KCNMA1: variants seen among roughly 807,000 people sequenced by gnomAD.
KCNMA1 encodes potassium calcium-activated channel subfamily M alpha 1, also known as Calcium-activated potassium channel subunit alpha-1.
KCNMA1 carries 29 observed loss-of-function variants against 140.0 expected under a neutral mutation model. The ratio of observed to expected loss-of-function variants is 0.21; its 90% CI spans 0.15 to 0.28. KCNMA1 has a LOEUF of 0.28. KCNMA1 is among the 10% of genes least tolerant of loss of function. The pLI, the probability that KCNMA1 is intolerant of heterozygous loss-of-function variation, is 1.00. For synonymous variants in KCNMA1, 612 were observed against 611.9 expected (o/e 1.00, Z 0.00); for missense variants, 880 against 1,602.2 (o/e 0.55, Z 7.70).
intron 20 of KCNMA1, among the ~76,000 whole-genome samples, chr10:76,956,736 G>A (rs1462095872): frequency 2.0e-5 from 3 of 152,166 alleles, no homozygotes; most frequent in Admixed American, 2.0e-4. Flanking sequence ...TGTGGCAAGT[G>A]TTACAGCAAA....
intron 3 of KCNMA1, among the ~76,000 whole-genome samples, chr10:77,231,244 T>C (rs1273505593): frequency 6.6e-6 from 1 of 152,230 alleles, no homozygotes; most frequent in Non-Finnish European, 1.5e-5. Context: ...GATTCTTTCC[T>C]ACTTGCTCTA....
intron 5 of KCNMA1, among the ~76,000 whole-genome samples, chr10:77,176,138 T>C (rs944156908): frequency 6.6e-6 from 1 of 152,140 alleles, no homozygotes; most frequent in Non-Finnish European, 1.5e-5. Context: ...AGAGAGATGC[T>C]TGAGACTTCA....
intron 2 of KCNMA1, among the ~76,000 whole-genome samples, chr10:77,299,673 A>T (rs2076096527): frequency 1.3e-5 from 2 of 152,184 alleles, no homozygotes; most frequent in Admixed American, 6.5e-5. Flanking sequence ...AAAAACAAAG[A>T]GGGGGAAAGC....
At chr10:76,931,594 T>G (rs925142905) in intron 23 of KCNMA1, among the ~76,000 whole-genome samples, 5 of 151,714 alleles carry the variant, frequency 3.3e-5, no homozygotes, top group Admixed American at 3.3e-4. Context: ...GGTCCTGCTC[T>G]GGAAGGGTGT....
chr10:77,616,414 T>C (rs558964358), intron 1 of KCNMA1, among the ~76,000 whole-genome samples: 15 of 152,338 alleles, frequency 9.8e-5, no homozygotes, highest in African/African-American at 3.6e-4. Context: ...TAGCCCTTGG[T>C]TTGTAGCAAG....
At chr10:77,257,893 T>C (rs1283707685) in intron 2 of KCNMA1, among the ~76,000 whole-genome samples, 2 of 152,244 alleles carry the variant, frequency 1.3e-5, no homozygotes, top group Non-Finnish European at 2.9e-5. Flanking sequence ...TGTGAGTCCA[T>C]TAAACCTCTT....
chr10:77,024,982 A>C (rs2093263699), intron 16 of KCNMA1, among the ~76,000 whole-genome samples: 1 of 151,948 alleles, frequency 6.6e-6, no homozygotes, highest in Non-Finnish European at 1.5e-5. Context: ...ACAAAATGGC[A>C]CTAGAGTGCA....
intron 7 of KCNMA1, among the ~76,000 whole-genome samples, chr10:77,112,005 T>G (rs1450090377): frequency 6.6e-6 from 1 of 152,210 alleles, no homozygotes; most frequent in East Asian, 1.9e-4. Context: ...CTAGGAGGTG[T>G]GGGTCCAACT....
rs1450988581 is a variant in KCNMA1 at position 77,573,608 on chromosome 10, A to AAATAGAATGGAATGG, written c.378+63656_378+63657insCCATTCCATTCTATT. Among the ~76,000 whole-genome samples the AAATAGAATGGAATGG allele has an allele frequency of 1.3e-3, 77 of 58,190 alleles. 7 individuals carry two copies. The highest frequency in any genetic ancestry group is 2.5e-3 in the African/African-American group (50 of 20,362). The allele number at this position is 58,190 out of a possible 152,430, so 38.2% of individuals were successfully genotyped here. ...GGTTATAAGCAATTATTTTTTAAGA[A>AAATAGAATGGAATGG]AATGGAATGGAATGGAATGGAATGG... On this transcript the variant is annotated intron_variant, in intron 1 of 27. Coordinates refer to ENST00000286628, the MANE Select transcript of KCNMA1 (RefSeq NM_001161352.2).
Position 77,007,657 on chromosome 10 carries a change from A to G in KCNMA1, c.2092+4310T>C, listed in dbSNP as rs900980468. Among the ~76,000 whole-genome samples the G allele has an allele frequency of 2.7e-3, 157 of 57,664 alleles. 2 individuals carry two copies. Among genetic ancestry groups the G allele is most frequent in the African/African-American group, 4.1e-3 (70 of 17,256 alleles). The allele number at this position is 57,664 out of a possible 152,430, so 37.8% of individuals were successfully genotyped here. ...CATGGTACATATTGTGTGTGTGTATATATATATATATATATATATGTATCA... is the reference window on the plus strand; with the variant it reads ...CATGGTACATATTGTGTGTGTGTATGTATATATATATATATATATGTATCA... On this transcript the variant is annotated intron_variant, in intron 18 of 27. Transcript: ENST00000286628.
chr10:77,563,453 C>T (rs2067070734), intron 1 of KCNMA1, among the ~76,000 whole-genome samples: 2 of 152,146 alleles, frequency 1.3e-5, no homozygotes. Context: ...TTTCAGTCCT[C>T]TCGAGAGTCC....
At chr10:77,368,450 T>C (rs1340533838) in intron 2 of KCNMA1, among the ~76,000 whole-genome samples, 1 of 152,230 alleles carries the variant, frequency 6.6e-6, no homozygotes, top group Non-Finnish European at 1.5e-5. Context: ...AAGCCTTCTG[T>C]AATATATGTG....
intron 1 of KCNMA1, among the ~76,000 whole-genome samples, chr10:77,592,071 G>C (rs552531412): frequency 2.0e-5 from 3 of 152,276 alleles, no homozygotes; most frequent in East Asian, 1.9e-4. Flanking sequence ...GCACACAAGT[G>C]AACGAGACCA....
At chr10:77,372,291 C>G (rs889485832) in intron 2 of KCNMA1, among the ~76,000 whole-genome samples, 1 of 152,298 alleles carries the variant, frequency 6.6e-6, no homozygotes, top group African/African-American at 2.4e-5. Flanking sequence ...CACGATTGTT[C>G]CCATCGCTGC....
At chr10:77,453,475 A>C (rs975602449) in intron 1 of KCNMA1, among the ~76,000 whole-genome samples, 5 of 152,372 alleles carry the variant, frequency 3.3e-5, no homozygotes. Context: ...AAAAATTCAG[A>C]CAAGACAATG....
intron 6 of KCNMA1, among the ~76,000 whole-genome samples, chr10:77,120,734 T>C (rs2097576101): frequency 6.6e-6 from 1 of 152,164 alleles, no homozygotes; most frequent in South Asian, 2.1e-4. Context: ...TCCCTAAAAG[T>C]GTCCCTACTT....
chr10:76,941,079 A>AAG (rs2062041279), intron 23 of KCNMA1, among the ~76,000 whole-genome samples: 1 of 127,800 alleles, frequency 7.8e-6, no homozygotes, highest in Non-Finnish European at 1.6e-5. Context: ...AAAAGAAAGA[A>AAG]AGAAAGAGAA....
downstream of KCNMA1, chr10:76,875,337 A>ATT (rs1053312828): frequency 5.3e-5 from 8 of 152,084 alleles, no homozygotes; most frequent in African/African-American, 1.9e-4. Flanking sequence ...ATTTTTACCA[A>ATT]TTTGGTTTTT....
chr10:76,959,178 T>C (rs189270371), intron 20 of KCNMA1, among the ~76,000 whole-genome samples: 28 of 152,346 alleles, frequency 1.8e-4, no homozygotes, highest in African/African-American at 5.5e-4. Flanking sequence ...AACTTAGACA[T>C]GCATTTGAGG....
Sources: allele counts gnomAD v4.1 joint callset (sites outside exome capture counted in the v4.1 genomes callset), GRCh38; gene constraint gnomAD v4.1.1; transcripts MANE v1.5; gene names NCBI Gene and HGNC (gene_info 2026-07-23, HGNC 2026-07-21).